The following ADGRB3 variants were observed in gnomAD, a reference collection of about 807,000 sequenced individuals.
ADGRB3 encodes the protein adhesion G protein-coupled receptor B3, also known as brain-specific angiogenesis inhibitor 3.
ADGRB3 carries 37 observed loss-of-function variants against 193.4 expected under a neutral mutation model. The observed-to-expected ratio is 0.19, with a 90% CI of 0.15 to 0.25. The LOEUF is 0.25. ADGRB3 is among the 10% of genes least tolerant of loss of function. The pLI is 1.00. For missense variants in ADGRB3, 1,637 were observed against 1,852.9 expected, an observed-to-expected ratio of 0.88 and a Z score of 2.14; for synonymous variants, 690 against 644.2, an observed-to-expected ratio of 1.07 and a Z score of -1.08.
At chr6:68,787,277 A>G (rs1318019843) in intron 3 of ADGRB3, among the ~76,000 whole-genome samples, 1 of 152,130 alleles carries the variant, frequency 6.6e-6, no homozygotes, top group Non-Finnish European at 1.5e-5. Context: ...TCAGTATGAT[A>G]TTGGCTGTGG....
At chr6:68,735,346 T>C (rs748944228) in intron 3 of ADGRB3, among the ~76,000 whole-genome samples, 23 of 151,962 alleles carry the variant, frequency 1.5e-4, no homozygotes, top group Non-Finnish European at 3.2e-4. Flanking sequence ...ATATTTTTAA[T>C]TTTCTACAAT....
At chr6:68,842,999 A>G (rs1021204277) in intron 3 of ADGRB3, among the ~76,000 whole-genome samples, 1 of 151,872 alleles carries the variant, frequency 6.6e-6, no homozygotes, top group Non-Finnish European at 1.5e-5. Flanking sequence ...ACATAAAAAA[A>G]GCTGGGTGTA....
At chr6:69,375,208 C>G (rs927196357) in intron 30 of ADGRB3, among the ~76,000 whole-genome samples, 7 of 152,060 alleles carry the variant, frequency 4.6e-5, no homozygotes, top group African/African-American at 1.7e-4. Flanking sequence ...GTTGTTGTTG[C>G]TGCTGTTGTT....
intron 16 of ADGRB3, among the ~76,000 whole-genome samples, chr6:69,075,209 T>A (rs1772193009): frequency 6.6e-6 from 1 of 152,158 alleles, no homozygotes; most frequent in Non-Finnish European, 1.5e-5. Flanking sequence ...AGGAAATTAG[T>A]CATGTGGAGG....
At chr6:68,997,488 C>CG (rs1769419356) in intron 11 of ADGRB3, among the ~76,000 whole-genome samples, 1 of 52,174 alleles carries the variant, frequency 1.9e-5, no homozygotes, top group African/African-American at 6.1e-5. Context: ...ACTAAAAATA[C>CG]AAAAAAAAAA....
intron 15 of ADGRB3, among the ~76,000 whole-genome samples, chr6:69,061,472 G>A (rs967164139): frequency 9.2e-5 from 14 of 152,102 alleles, no homozygotes; most frequent in Admixed American, 3.3e-4. Flanking sequence ...CAATATGGGA[G>A]TAACATAAAA....
intron 20 of ADGRB3, among the ~76,000 whole-genome samples, chr6:69,291,397 G>A (rs1423152146): frequency 6.6e-6 from 1 of 152,112 alleles, no homozygotes; most frequent in Non-Finnish European, 1.5e-5. Flanking sequence ...TAAGGTGAAA[G>A]GAGGTTTGGT....
intron 17 of ADGRB3, 100 bp downstream of exon 17, chr6:69,076,138 G>A (rs1418637064): frequency 2.0e-6 from 2 of 1,014,942 alleles, no homozygotes; most frequent in African/African-American, 3.4e-5. Flanking sequence ...TAAGTCAGTG[G>A]GATGTTGCAT....
chr6:69,376,285 A>G (rs1390749119), intron 30 of ADGRB3, among the ~76,000 whole-genome samples: 1 of 151,382 alleles, frequency 6.6e-6, no homozygotes, highest in African/African-American at 2.4e-5. Context: ...TTTTGTATAG[A>G]TGGGGTCTCA....
intron 3 of ADGRB3, among the ~76,000 whole-genome samples, chr6:68,776,012 C>T (rs551395330): frequency 3.3e-5 from 5 of 152,242 alleles, no homozygotes; most frequent in African/African-American, 1.2e-4. Context: ...GTCATTTCAG[C>T]ATCCATTAAG....
At chr6:68,888,859 G>T (rs904596148) in intron 3 of ADGRB3, among the ~76,000 whole-genome samples, 3 of 152,084 alleles carry the variant, frequency 2.0e-5, no homozygotes, top group Admixed American at 1.3e-4. Context: ...GAATGTGCTT[G>T]GTCCTCAGCA....
chr6:68,924,709 C>T (rs139744917), intron 3 of ADGRB3, among the ~76,000 whole-genome samples: 129 of 151,936 alleles, frequency 8.5e-4, no homozygotes, highest in African/African-American at 2.9e-3. Flanking sequence ...TCATTTCTGT[C>T]GAAGTATTTC....
At chr6:69,219,959 A>G (rs937165933) in intron 17 of ADGRB3, among the ~76,000 whole-genome samples, 1 of 152,088 alleles carries the variant, frequency 6.6e-6, no homozygotes. Context: ...TAGTGATGCT[A>G]TATTAATTAT....
At chr6:68,853,630 C>A (rs184437864) in intron 3 of ADGRB3, among the ~76,000 whole-genome samples, 1 of 152,012 alleles carries the variant, frequency 6.6e-6, no homozygotes, top group East Asian at 1.9e-4. Flanking sequence ...AGGGGTGCAA[C>A]ATTATTTATC....
intron 3 of ADGRB3, among the ~76,000 whole-genome samples, chr6:68,902,336 T>A (rs1766418615): frequency 6.6e-6 from 1 of 151,054 alleles, no homozygotes; most frequent in South Asian, 2.1e-4. Context: ...TCTGTAGTAA[T>A]TTTTTTTTCT....
At chr6:68,960,826 G>A (rs1768212438) in intron 8 of ADGRB3, among the ~76,000 whole-genome samples, 1 of 152,128 alleles carries the variant, frequency 6.6e-6, no homozygotes, top group Non-Finnish European at 1.5e-5. Context: ...AGTAGGTCTT[G>A]AATGAGCCTG....
chr6:68,789,398 T>C (rs1226916897), intron 3 of ADGRB3, among the ~76,000 whole-genome samples: 1 of 152,156 alleles, frequency 6.6e-6, no homozygotes, highest in Non-Finnish European at 1.5e-5. Flanking sequence ...GTATTTTATT[T>C]CTCCTTCACT....
intron 17 of ADGRB3, among the ~76,000 whole-genome samples, chr6:69,122,319 C>T (rs926714759): frequency 2.0e-4 from 30 of 151,602 alleles, no homozygotes; most frequent in African/African-American, 7.0e-4. Context: ...CGTGGTGGCA[C>T]GCGCCTGTAA....
At chr6:68,756,215 G>A (rs1766296332) in intron 3 of ADGRB3, among the ~76,000 whole-genome samples, 1 of 152,088 alleles carries the variant, frequency 6.6e-6, no homozygotes, top group Non-Finnish European at 1.5e-5. Context: ...CCACTTAAAT[G>A]CCACCAATGA....
Sources: gnomAD v4.1 joint callset for allele counts (sites outside exome capture counted in the v4.1 genomes callset) on GRCh38, gnomAD v4.1.1 for gene constraint, MANE v1.5 for transcripts, NCBI Gene and HGNC (gene_info 2026-07-23, HGNC 2026-07-21) for gene names.